Variants in CUX2 observed in about 807,000 individuals in gnomAD.
The protein encoded by CUX2 is homeobox protein cut-like 2.
CUX2 carries 40 observed loss-of-function variants against 144.8 expected under a neutral mutation model. The observed-to-expected ratio is 0.28, with a 90% confidence interval of 0.21 to 0.36. The LOEUF is 0.36. Ranked by LOEUF, CUX2 falls within the 10% of genes least tolerant of loss-of-function variation. CUX2 has a pLI of 1.00. For missense variants in CUX2, 1,615 were observed against 1,994.0 expected (o/e 0.81, Z 3.62); for synonymous variants, 827 against 875.6 (o/e 0.94, Z 0.98).
chr12:111,305,309 G>A (rs1886517663), intron 10 of CUX2, among the ~76,000 whole-genome samples: 1 of 152,162 alleles, frequency 6.6e-6, no homozygotes, highest in Admixed American at 6.6e-5. Flanking sequence ...CTCCACCCAT[G>A]AACCTGAACT....
chr12:111,256,893 C>A (rs1315208540), intron 3 of CUX2, among the ~76,000 whole-genome samples: 5 of 152,140 alleles, frequency 3.3e-5, no homozygotes, highest in African/African-American at 4.8e-5. Context: ...CAGAGTGGTT[C>A]TCAGTGGCTC....
chr12:111,298,997 G>A (rs973943079), intron 9 of CUX2, among the ~76,000 whole-genome samples: 7 of 152,212 alleles, frequency 4.6e-5, no homozygotes, highest in Non-Finnish European at 7.3e-5. Flanking sequence ...GCCTTCCTCC[G>A]GCTCAGAGGT....
chr12:111,043,936 C>T (rs1392204998), intron 1 of CUX2, among the ~76,000 whole-genome samples: 3 of 152,140 alleles, frequency 2.0e-5, no homozygotes, highest in Non-Finnish European at 2.9e-5. Flanking sequence ...ACCCGTGCTG[C>T]GCTGGAAATC....
chr12:111,155,013 G>A (rs1877287528), intron 1 of CUX2, among the ~76,000 whole-genome samples: 1 of 152,202 alleles, frequency 6.6e-6, no homozygotes, highest in Non-Finnish European at 1.5e-5. Context: ...ATCTCAATTT[G>A]TTCATCTGTA....
rs1436520713 is a variant in CUX2 at position 111,322,386 on chromosome 12, C to T, written c.2767-35C>T. ...GAGGGCCAGGCCCATGTCCCAGGGG[C>T]CTGCTGACCTACCCCCCTGGCCCGC... On this transcript the variant is annotated intron_variant, in intron 17 of 21. Coordinates refer to ENST00000261726, the MANE Select transcript of CUX2 (RefSeq NM_015267.4). This position sits in a 1 kb window ranked among gnomAD's most constrained non-coding sequence, Gnocchi z 4.2. 3 of 1,523,602 alleles carry T rather than the reference C, an allele frequency of 2.0e-6. No homozygotes were observed. Among genetic ancestry groups the T allele is most frequent in the South Asian group, 1.2e-5 (1 of 82,706 alleles). The allele number at this position is 1,523,602 out of a possible 1,614,324, so 94.4% of individuals were successfully genotyped here. A position where few individuals can be genotyped will look rare whatever the true frequency, so the allele number is the denominator to read the frequency against.
At chr12:111,274,977 A>G (rs570547489) in intron 4 of CUX2, among the ~76,000 whole-genome samples, 1 of 152,186 alleles carries the variant, frequency 6.6e-6, no homozygotes, top group East Asian at 1.9e-4. Flanking sequence ...AAAAACAAAA[A>G]AAAACCACCA....
chr12:111,253,202 TC>T (rs1883653092), intron 3 of CUX2, among the ~76,000 whole-genome samples: 1 of 152,070 alleles, frequency 6.6e-6, no homozygotes, highest in Non-Finnish European at 1.5e-5. Context: ...GCGTGTCAGA[TC>T]ACATGAATCT....
At chr12:111,245,480 G>C (rs1883234258) in intron 3 of CUX2, among the ~76,000 whole-genome samples, 1 of 151,672 alleles carries the variant, frequency 6.6e-6, no homozygotes, top group Admixed American at 6.6e-5. Context: ...TAATAAACCA[G>C]ACATGGTGGC....
intron 1 of CUX2, among the ~76,000 whole-genome samples, chr12:111,182,880 G>C (rs1274595386): frequency 6.6e-6 from 1 of 152,140 alleles, no homozygotes; most frequent in Non-Finnish European, 1.5e-5. Context: ...ATAGCTCCCT[G>C]GTGACAGGGA....
intron 9 of CUX2, among the ~76,000 whole-genome samples, chr12:111,302,069 G>T (rs777798428): frequency 2.0e-5 from 3 of 152,116 alleles, no homozygotes; most frequent in Non-Finnish European, 2.9e-5. Flanking sequence ...AAACAAAATT[G>T]ACTTGAACCA....
intron 20 of CUX2, chr12:111,339,685 G>A (rs1041967131): frequency 1.3e-5 from 2 of 152,228 alleles, no homozygotes; most frequent in Middle Eastern, 3.2e-3. Context: ...AAAGTCCATT[G>A]GAAGATAAGA....
intron 18 of CUX2, among the ~76,000 whole-genome samples, chr12:111,331,282 T>C (rs1888111096): frequency 1.3e-5 from 2 of 152,168 alleles, no homozygotes; most frequent in Admixed American, 1.3e-4. Flanking sequence ...TCAGGATGTC[T>C]CTTCTGAAAG....
intron 1 of CUX2, among the ~76,000 whole-genome samples, chr12:111,181,635 T>C (rs1879183253): frequency 6.6e-6 from 1 of 152,208 alleles, no homozygotes; most frequent in South Asian, 2.1e-4. Flanking sequence ...ACCAGCTCCA[T>C]TGCCAGGCAG....
intron 1 of CUX2, among the ~76,000 whole-genome samples, chr12:111,071,631 C>A (rs192048465): frequency 1.3e-5 from 2 of 152,242 alleles, no homozygotes; most frequent in African/African-American, 4.8e-5. Context: ...TCTGGCTTAT[C>A]AAGAATTTAT....
At chr12:111,222,167 C>T (rs532715765) in intron 3 of CUX2, among the ~76,000 whole-genome samples, 1 of 152,102 alleles carries the variant, frequency 6.6e-6, no homozygotes, top group Non-Finnish European at 1.5e-5. Flanking sequence ...ATTAACCCTC[C>T]GAGCACAAAA....
chr12:111,161,151 C>T (rs926085830), intron 1 of CUX2, among the ~76,000 whole-genome samples: 2 of 152,144 alleles, frequency 1.3e-5, no homozygotes, highest in African/African-American at 4.8e-5. Flanking sequence ...TGAGCCAGAG[C>T]CCTGGATCAC....
At chr12:111,327,139 C>T (rs2136417988) in intron 18 of CUX2, among the ~76,000 whole-genome samples, 1 of 152,268 alleles carries the variant, frequency 6.6e-6, no homozygotes, top group South Asian at 2.1e-4. Flanking sequence ...CTGGATTTGC[C>T]TCTTCTGAAT....
chr12:111,322,564 G>A lies in CUX2; in HGVS notation c.2910G>A (p.Gln970=), dbSNP rs926999304. 2.5e-6 allele frequency: 4 copies of A among 1,609,164 alleles called. No individual in the cohort carries two copies. The highest frequency in any genetic ancestry group is 1.3e-5 in the African/African-American group (1 of 74,918). The change falls in exon 18 of 22, where the codon CAG becomes CAA. Residue 970 remains glutamine, a synonymous_variant. Coordinates refer to ENST00000261726, the MANE Select transcript of CUX2 (RefSeq NM_015267.4). The surrounding 1 kb of genome is among the most constrained non-coding windows in gnomAD (Gnocchi z 4.2). Reference sequence around the variant, plus strand: ...AGCTCGGCCAGGCAGTGGGCCAGCAGCCTGGTGCCTCCCAGGGTGAGTGCG... The same window carrying A: ...AGCTCGGCCAGGCAGTGGGCCAGCAACCTGGTGCCTCCCAGGGTGAGTGCG... ...SDQLGQAVGQ[Q]PGASQASPTE...
chr12:111,296,824 C>CCT (rs1886026444), intron 8 of CUX2, among the ~76,000 whole-genome samples: 1 of 92,136 alleles, frequency 1.1e-5, no homozygotes, highest in East Asian at 3.5e-4. Flanking sequence ...AGGCCTCCTC[C>CCT]CTCTGACCCT....
Sources: allele counts gnomAD v4.1 joint callset (sites outside exome capture counted in the v4.1 genomes callset), GRCh38; gene constraint gnomAD v4.1.1; non-coding constraint Gnocchi (gnomAD v3.1); transcripts MANE v1.5; gene names NCBI Gene and HGNC (gene_info 2026-07-23, HGNC 2026-07-21).